The following COG2 variants were observed in gnomAD, a reference collection of about 807,000 sequenced individuals.
COG2 encodes the protein component of oligomeric golgi complex 2, also known as conserved oligomeric Golgi complex subunit 2.
A neutral mutation model predicts 90.6 loss-of-function variants in COG2; 52 were observed. The observed-to-expected ratio is 0.57, with a 90% CI of 0.46 to 0.72. The LOEUF (loss-of-function observed/expected upper bound fraction) is 0.72. Among genes scored for constraint, COG2 ranks in the 30% least tolerant of loss-of-function variants. The pLI is 0.00. For missense variants in COG2, 829 were observed against 891.2 expected, an observed-to-expected ratio of 0.93 and a Z score of 0.89; for synonymous variants, 337 against 320.4, an observed-to-expected ratio of 1.05 and a Z score of -0.55.
At chr1:230,663,333 G>C (rs1213114463) in intron 4 of COG2, 112 bp downstream of exon 4, 1 of 500,382 alleles carries the variant, frequency 2.0e-6, no homozygotes, top group East Asian at 3.5e-5. Flanking sequence ...TTGCAGAGAG[G>C]AGTGTGATGT....
chr1:230,671,783 A>G, intron 8 of COG2, 143 bp downstream of exon 8: 1 of 738,798 alleles, frequency 1.4e-6, no homozygotes, highest in East Asian at 3.0e-5. Context: ...CATTGTTTCT[A>G]CTGGTGATAC....
chr1:230,667,401 T>C (rs1218524457), intron 5 of COG2, among the ~76,000 whole-genome samples: 1 of 152,158 alleles, frequency 6.6e-6, no homozygotes, highest in Non-Finnish European at 1.5e-5. Context: ...AGAGATACTC[T>C]TATATTATTG....
rs763428158 is a variant in COG2 at position 230,686,944 on chromosome 1, A to G, written c.1390A>G (p.Arg464Gly). 15 of 1,529,978 alleles carry G rather than the reference A, an allele frequency of 9.8e-6. No individual in the cohort carries two copies. Among genetic ancestry groups the G allele is most frequent in the Non-Finnish European group, 1.3e-5 (15 of 1,134,318 alleles). The allele number at this position is 1,529,978 out of a possible 1,614,324, so 94.8% of individuals were successfully genotyped here. A position where few individuals can be genotyped will look rare whatever the true frequency, so the allele number is the denominator to read the frequency against. Residue 464 changes from arginine (R) to glycine (G), a missense_variant, in exon 13 of 18, where the codon AGG (arginine) becomes GGG (glycine). Coordinates refer to ENST00000366669, the MANE Select transcript of COG2 (RefSeq NM_007357.3). ...TGAAATCCTTTTTCAGCTTTCACTCAGGCCCATTTCTAATGAAAGTCCCAA... is the reference window on the plus strand; with the variant it reads ...TGAAATCCTTTTTCAGCTTTCACTCGGGCCCATTTCTAATGAAAGTCCCAA... ...YSVFVNELSL[R>G]PISNESPKEI...
rs865865746 is a variant in COG2 at position 230,671,399 on chromosome 1, A to G, written c.775-117A>G. On this transcript the variant is annotated intron_variant, in intron 7 of 17. Transcript: ENST00000366669. ...ACTGTTTAGAAAATGTGTCACAGGGAGGAGGGTGAGTGTGAGGAAGCAGAT... is the reference window on the plus strand; with the variant it reads ...ACTGTTTAGAAAATGTGTCACAGGGGGGAGGGTGAGTGTGAGGAAGCAGAT... 68 of 787,554 alleles carry G rather than the reference A, an allele frequency of 8.6e-5. No individual in the cohort carries two copies. In the South Asian group the frequency reaches 9.9e-4, roughly 12 times the overall value. The allele number at this position is 787,554 out of a possible 1,614,324, so 48.8% of individuals were successfully genotyped here.
intron 7 of COG2, 98 bp downstream of exon 7, chr1:230,669,633 T>G: frequency 8.9e-7 from 1 of 1,118,522 alleles, no homozygotes; most frequent in South Asian, 1.8e-5. Context: ...CAGAGATCTT[T>G]CTGGAAAGAT....
intron 1 of COG2, among the ~76,000 whole-genome samples, chr1:230,656,441 T>A (rs1304500338): frequency 6.6e-6 from 1 of 152,112 alleles, no homozygotes; most frequent in Non-Finnish European, 1.5e-5. Context: ...GGTTTGCGAG[T>A]CTGTTTATTA....
Position 230,642,533 on chromosome 1 carries a change from C to CG in COG2, c.-74_-73insG. 6.8e-7 allele frequency: 1 copy of CG among 1,473,064 alleles called. No homozygotes were observed. Among genetic ancestry groups the CG allele is most frequent in the Non-Finnish European group, 9.3e-7 (1 of 1,077,188 alleles). 91.2% of individuals were successfully genotyped at this position (1,473,064 alleles called of 1,614,324 possible). A position where few individuals can be genotyped will look rare whatever the true frequency, so the allele number is the denominator to read the frequency against. On this transcript the variant is annotated 5_prime_UTR_variant, in exon 1 of 18. It removes the in-frame stop codon of an upstream open reading frame in the 5' UTR. Transcript: ENST00000366669. The stretch of plus-strand genomic sequence containing the variant: ...CCGTGGAAACTGGCGGTGGCCGCGG[C>CG]CGCCGAGTCGGTCTGCGCAGCCTCC...
Position 230,693,332 on chromosome 1 carries a change from T to C in COG2, c.2156T>C (p.Phe719Ser). 6.2e-7 allele frequency: 1 copy of C among 1,613,852 alleles called. No individual in the cohort carries two copies. Among genetic ancestry groups the C allele is most frequent in the East Asian group, 2.2e-5 (1 of 44,870 alleles). ...LGLQASDIKS[F>S]SALAELVAAA... The stretch of plus-strand genomic sequence containing the variant: ...CTACAAGCAAGTGACATAAAAAGCT[T>C]CTCAGCTCTCGCAGAGCTTGTTGCT... Residue 719 changes from phenylalanine to serine, a missense_variant, in exon 18 of 18, where the codon TTC becomes TCC. By Grantham distance (155) the Phe-to-Ser change is radical. Coordinates refer to ENST00000366669, the MANE Select transcript of COG2 (RefSeq NM_007357.3).
At chr1:230,651,764 T>C (rs538452639) in intron 1 of COG2, among the ~76,000 whole-genome samples, 13 of 152,350 alleles carry the variant, frequency 8.5e-5, no homozygotes, top group East Asian at 1.9e-4. Flanking sequence ...TTTAAAAATA[T>C]TGCTTTTTAA....
chr1:230,693,167 A>AT (rs1355588085), intron 17 of COG2, 125 bp from the exon 18 acceptor site: 3 of 582,312 alleles, frequency 5.2e-6, no homozygotes, highest in Non-Finnish European at 9.3e-6. Context: ...AGGAAAAAAT[A>AT]TCCTACAAGT....
Position 230,691,581 on chromosome 1 carries a change from C to T in COG2, c.2115+17C>T, listed in dbSNP as rs1415315206. 3.1e-6 allele frequency: 5 copies of T among 1,596,200 alleles called. No individual in the cohort carries two copies. The highest frequency in any genetic ancestry group is 1.7e-5 in the Admixed American group (1 of 57,332). ...GGAGAGCAGGTAACCCATCAGCCGC[C>T]GGCAGCTCCAGCGAGCCTGAAACCA... On this transcript the variant is annotated intron_variant, in intron 17 of 17. Transcript: ENST00000366669.
At chr1:230,667,531 G>T (rs1421998262) in intron 5 of COG2, among the ~76,000 whole-genome samples, 4 of 152,136 alleles carry the variant, frequency 2.6e-5, no homozygotes, top group Non-Finnish European at 4.4e-5. Context: ...CTGTAGTGAA[G>T]GTAAAACCAG....
chr1:230,684,000 C>CA (rs1414693350), intron 11 of COG2, among the ~76,000 whole-genome samples: 3 of 152,018 alleles, frequency 2.0e-5, no homozygotes, highest in African/African-American at 7.3e-5. Flanking sequence ...CCATGTTGGC[C>CA]AGGCTGGTCT....
chr1:230,669,597 G>T, intron 7 of COG2, 62 bp downstream of exon 7: 2 of 1,418,954 alleles, frequency 1.4e-6, no homozygotes, highest in Admixed American at 4.1e-5. Context: ...CTCTTTACTG[G>T]GTGTGAGGAA....
intron 10 of COG2, chr1:230,680,778 C>G (rs966519486): frequency 1.3e-5 from 2 of 152,118 alleles, no homozygotes; most frequent in African/African-American, 2.4e-5. Flanking sequence ...TCCATTAAGA[C>G]TTTGTAGAAC....
chr1:230,653,762 T>A (rs189342185), intron 1 of COG2, among the ~76,000 whole-genome samples: 2 of 152,268 alleles, frequency 1.3e-5, no homozygotes, highest in East Asian at 3.9e-4. Context: ...TGGTGGAGGC[T>A]TTCTTGCTGT....
rs1277265655 is a variant in COG2 at position 230,660,762 on chromosome 1, G to T, written c.239G>T (p.Gly80Val). Residue 80 changes from glycine to valine, a missense_variant, in exon 3 of 18, where the codon GGC becomes GTC. Transcript: ENST00000366669. ...CAACATGATTTCTGCCTTTAGGTTG[G>T]CATGGACAAAGCCCTCAACCAGCTT... ...DFVNLSTNLVGMDKALNQLSV... is the reference protein window; with the variant it reads ...DFVNLSTNLVVMDKALNQLSV... 6.3e-7 allele frequency: 1 copy of T among 1,583,526 alleles called. No individual in the cohort carries two copies. The highest frequency in any genetic ancestry group is 1.4e-5 in the African/African-American group (1 of 72,974).
At chr1:230,678,423 C>T (rs1391090851) in intron 9 of COG2, 7 of 985,302 alleles carry the variant, frequency 7.1e-6, no homozygotes, top group Non-Finnish European at 8.4e-6. Context: ...AGCTGCCACT[C>T]TTAATGGTTT....
At chr1:230,652,535 T>G (rs1409891387) in intron 1 of COG2, among the ~76,000 whole-genome samples, 1 of 152,228 alleles carries the variant, frequency 6.6e-6, no homozygotes, top group Non-Finnish European at 1.5e-5. Flanking sequence ...GGTTTTTGTA[T>G]GGACATACAT....
Sources: gnomAD v4.1 joint callset for allele counts (sites outside exome capture counted in the v4.1 genomes callset) on GRCh38, gnomAD v4.1.1 for gene constraint, MANE v1.5 for transcripts, NCBI Gene and HGNC (gene_info 2026-07-23, HGNC 2026-07-21) for gene names.